The following ESYT3 variants were observed in gnomAD, a reference collection of about 807,000 sequenced individuals.
The protein encoded by ESYT3 is extended synaptotagmin 3.
Under a neutral mutation model 111.5 loss-of-function variants are expected in ESYT3, and 101 were observed. That is an observed-to-expected ratio of 0.91 (90% CI 0.77 to 1.07). The LOEUF is 1.07. Among genes scored for constraint, ESYT3 ranks in the 50% least tolerant of loss-of-function variants. ESYT3 has a pLI of 0.00. For missense variants in ESYT3, 1,097 were observed against 1,109.4 expected, an observed-to-expected ratio of 0.99 and a Z score of 0.16; for synonymous variants, 416 against 446.8, an observed-to-expected ratio of 0.93 and a Z score of 0.87.
chr3:138,476,392 T>C (rs960150107), intron 21 of ESYT3, 51 bp from the exon 22 acceptor site: 1 of 1,606,636 alleles, frequency 6.2e-7, no homozygotes, highest in Non-Finnish European at 8.5e-7. Flanking sequence ...TCCCAATTTC[T>C]TTCCTTAATG....
Position 138,476,822 on chromosome 3 carries a change from G to A in ESYT3, c.2629G>A (p.Glu877Lys), listed in dbSNP as rs2033506818. ...DLIKGFSQWY[E>K]LTPNGQPRS ...CCAAACGTAACTGTCTTACAGGTAT[G>A]AGCTGACTCCAAATGGACAGCCCAG... The change falls in exon 23 of 23, where the codon GAG (glutamate) becomes AAG (lysine). Residue 877 changes from glutamate to lysine, a missense_variant. Transcript: ENST00000389567. The A allele has an allele frequency of 2.5e-6, 4 of 1,613,916 alleles. No homozygotes were observed. Among genetic ancestry groups the A allele is most frequent in the Admixed American group, 1.7e-5 (1 of 60,000 alleles).
chr3:138,464,591 G>A, intron 9 of ESYT3, 76 bp downstream of exon 9: 20 of 1,491,242 alleles, frequency 1.3e-5, no homozygotes, highest in Non-Finnish European at 1.8e-5. Context: ...GCAACACTAG[G>A]CAGGGAGTGG....
intron 9 of ESYT3, 140 bp downstream of exon 9, chr3:138,464,655 C>A: frequency 1.1e-6 from 1 of 940,950 alleles, no homozygotes; most frequent in South Asian, 1.7e-5. Flanking sequence ...TACCAGGCTT[C>A]CAGACTGGGT....
At chr3:138,437,020 A>T (rs537701189) in intron 1 of ESYT3, among the ~76,000 whole-genome samples, 127 of 152,114 alleles carry the variant, frequency 8.3e-4, no homozygotes, top group Non-Finnish European at 1.6e-3. Context: ...AGACCCCAGG[A>T]GCAATATGGA....
At chr3:138,470,277 G>T in intron 16 of ESYT3, 131 bp downstream of exon 16, 1 of 1,383,856 alleles carries the variant, frequency 7.2e-7, no homozygotes, top group Non-Finnish European at 9.5e-7. Flanking sequence ...TGTAAGAGAG[G>T]ACACTGAGGC....
chr3:138,456,611 T>A (rs142485701), intron 3 of ESYT3, among the ~76,000 whole-genome samples: 216 of 152,252 alleles, frequency 1.4e-3, no homozygotes, highest in African/African-American at 5.0e-3. Context: ...TCCTGTCAGA[T>A]CAGCAGCGGC....
chr3:138,466,262 G>C (rs2108621779), intron 10 of ESYT3, among the ~76,000 whole-genome samples: 1 of 152,276 alleles, frequency 6.6e-6, no homozygotes, highest in South Asian at 2.1e-4. Flanking sequence ...AGAAAAGGCA[G>C]GTTTACCCAA....
In ESYT3 at chr3:138,472,691, T is replaced by C; in HGVS notation, c.2069T>C (p.Leu690Pro). ...GEKKSPATIF[L>P]TVPGPHSPGP... ...AAGAAGAGTCCAGCCACCATCTTCC[T>C]GACTGTCCCAGGTCCCCACTCTCCA... Residue 690 changes from leucine (L) to proline (P), a missense_variant, in exon 18 of 23, where the codon CTG (leucine) becomes CCG (proline). Transcript: ENST00000389567. The C allele has an allele frequency of 6.2e-7, 1 of 1,614,204 alleles. No individual in the cohort carries two copies. Among genetic ancestry groups the C allele is most frequent in the South Asian group, 1.1e-5 (1 of 91,086 alleles).
At chr3:138,460,462 G>C (rs985642146) in intron 6 of ESYT3, 149 bp from the exon 7 acceptor site, 4 of 845,806 alleles carry the variant, frequency 4.7e-6, no homozygotes, top group Admixed American at 3.8e-5. Context: ...CTGACACCCT[G>C]GCAGAGGGTG....
chr3:138,468,072 C>T lies in ESYT3; in HGVS notation c.1219-33C>T, dbSNP rs73864582. On this transcript the variant is annotated intron_variant, in intron 11 of 22. Transcript: ENST00000389567. ...GAGCATCAGTAGCATCTCCCTGGCC[C>T]TTTTCCCTGAGCTTTCTGCCCCTAC... 1,321 of 1,608,872 alleles carry T rather than the reference C, an allele frequency of 8.2e-4. 8 individuals are homozygous for T. In the African/African-American group the frequency reaches 0.016, roughly 20 times the overall value.
chr3:138,468,244 C>G, intron 12 of ESYT3, 50 bp downstream of exon 12: 3 of 1,556,004 alleles, frequency 1.9e-6, no homozygotes, highest in African/African-American at 1.4e-5. Flanking sequence ...GAGGAGCACA[C>G]GTGCCAGGTG....
At chr3:138,446,936 G>A (rs2031584340) in intron 1 of ESYT3, among the ~76,000 whole-genome samples, 1 of 152,192 alleles carries the variant, frequency 6.6e-6, no homozygotes, top group Admixed American at 6.5e-5. Context: ...TCGGGAGGCT[G>A]AGGTGGGAGG....
chr3:138,438,780 C>G (rs940631440), intron 1 of ESYT3, among the ~76,000 whole-genome samples: 1 of 152,230 alleles, frequency 6.6e-6, no homozygotes, highest in African/African-American at 2.4e-5. Context: ...CTCCAGGTCC[C>G]CAGCCATGGG....
At chr3:138,457,685 G>A (rs778347587) in intron 4 of ESYT3, 41 bp downstream of exon 4, 4 of 1,587,090 alleles carry the variant, frequency 2.5e-6, no homozygotes, top group Non-Finnish European at 3.5e-6. Context: ...GGGGTGCAGG[G>A]GACACAGTGG....
intron 2 of ESYT3, 128 bp downstream of exon 2, chr3:138,452,217 C>A: frequency 1.3e-6 from 1 of 793,226 alleles, no homozygotes; most frequent in Non-Finnish European, 2.0e-6. Context: ...AGGGATGCTC[C>A]CTTTCCCTCT....
Position 138,465,464 on chromosome 3 carries a change from C to T in ESYT3, c.1169+43C>T, listed in dbSNP as rs1049269294. 6 of 1,501,878 alleles carry T rather than the reference C, an allele frequency of 4.0e-6. No homozygotes were observed. The African/African-American group carries it at 6.9e-5, about 17-fold the overall frequency. The allele number at this position is 1,501,878 out of a possible 1,614,324, so 93.0% of individuals were successfully genotyped here. On this transcript the variant is annotated intron_variant, in intron 10 of 22. Transcript: ENST00000389567. ...CAGCTGGGCCTGGAGGCAGCCTTCC[C>T]TCCCTGCGGGGTGCTGGGCTAGATA... is the stretch of plus-strand genomic sequence containing the variant.
intron 18 of ESYT3, chr3:138,473,179 C>T: frequency 8.1e-7 from 1 of 1,239,278 alleles, no homozygotes; most frequent in Non-Finnish European, 1.0e-6. Context: ...AAATGGCTGT[C>T]ATTTATGAAG....
At position 138,435,198 on chromosome 3, in the gene ESYT3, G is replaced by A. The variant is rs532375141; in HGVS notation, c.327+73G>A. ...GTTCGGAGGAACTTGCGGTCAGCGG[G>A]GAGCTGGTGCGCGCAAACCCGAGGC... On this transcript the variant is annotated intron_variant, in intron 1 of 22. Transcript: ENST00000389567. The surrounding 1 kb of genome is among the most constrained non-coding windows in gnomAD (Gnocchi z 4.8). 84 of 1,406,242 alleles carry A rather than the reference G, an allele frequency of 6.0e-5. No individual in the cohort carries two copies. The highest frequency in any genetic ancestry group is 4.7e-6 in the Non-Finnish European group (5 of 1,052,978). 87.1% of individuals were successfully genotyped at this position (1,406,242 alleles called of 1,614,324 possible). A position where few individuals can be genotyped will look rare whatever the true frequency, so the allele number is the denominator to read the frequency against.
chr3:138,437,864 C>T (rs555280260), intron 1 of ESYT3, among the ~76,000 whole-genome samples: 7 of 151,966 alleles, frequency 4.6e-5, no homozygotes, highest in Non-Finnish European at 8.8e-5. Context: ...ACCATTATTG[C>T]GATTGGGATT....
Sources: allele counts gnomAD v4.1 joint callset (sites outside exome capture counted in the v4.1 genomes callset), GRCh38; gene constraint gnomAD v4.1.1; non-coding constraint Gnocchi (gnomAD v3.1); transcripts MANE v1.5; gene names NCBI Gene and HGNC (gene_info 2026-07-23, HGNC 2026-07-21).